Variants in PBRM1 observed in about 807,000 individuals in gnomAD.
The protein encoded by PBRM1 is polybromo 1.
A neutral mutation model predicts 194.5 loss-of-function variants in PBRM1; 27 were observed. That is an observed-to-expected ratio of 0.14 (90% CI 0.10 to 0.19). PBRM1 has a LOEUF of 0.19. PBRM1 is among the 10% of genes least tolerant of loss of function. PBRM1 has a pLI of 1.00. For missense variants in PBRM1, 1,466 were observed against 2,077.2 expected, an observed-to-expected ratio of 0.71 and a Z score of 5.72; for synonymous variants, 655 against 693.2, an observed-to-expected ratio of 0.94 and a Z score of 0.87.
At chr3:52,625,090 AG>A in intron 13 of PBRM1, 149 bp from the exon 15 acceptor site, 1 of 656,326 alleles carries the variant, frequency 1.5e-6, no homozygotes, top group Non-Finnish European at 2.7e-6. Flanking sequence ...CAAGGAAGAC[AG>A]ATGTTGGCAG....
intron 9 of PBRM1, among the ~76,000 whole-genome samples, chr3:52,642,535 G>C (rs1032938271): frequency 3.5e-5 from 5 of 142,600 alleles, no homozygotes; most frequent in Non-Finnish European, 3.0e-5. Flanking sequence ...CGAATCACTT[G>C]AATCCAGGAG....
Position 52,624,953 on chromosome 3 carries a change from G to A in PBRM1, c.1541+2320C>T, listed in dbSNP as rs2095399510. On this transcript the variant is annotated intron_variant, in intron 13 of 29. Transcript: ENST00000296302. Reference sequence around the variant, plus strand: ...TGTCATGAGTGTTCCTGGGAAAGCAGAAACAAACATTACATGTAAAGAGAA... The same window carrying A: ...TGTCATGAGTGTTCCTGGGAAAGCAAAAACAAACATTACATGTAAAGAGAA... 1.3e-6 allele frequency: 2 copies of A among 1,542,046 alleles called. No individual in the cohort carries two copies. Among genetic ancestry groups the A allele is most frequent in the African/African-American group, 1.4e-5 (1 of 72,862 alleles).
intron 10 of PBRM1, among the ~76,000 whole-genome samples, chr3:52,636,286 CA>C (rs2095808913): frequency 2.0e-5 from 3 of 151,974 alleles, no homozygotes; most frequent in Admixed American, 6.6e-5. Context: ...TAGGTAGAAG[CA>C]AATCATAAAA....
intron 2 of PBRM1, among the ~76,000 whole-genome samples, chr3:52,669,201 G>A (rs894718239): frequency 6.6e-6 from 1 of 151,738 alleles, no homozygotes; most frequent in African/African-American, 2.4e-5. Context: ...AAAGATGAAT[G>A]GACATCAGAT....
intron 17 of PBRM1, among the ~76,000 whole-genome samples, chr3:52,591,673 C>T (rs2093067749): frequency 1.3e-5 from 2 of 151,418 alleles, no homozygotes; most frequent in South Asian, 4.2e-4. Flanking sequence ...ATGCCCACCA[C>T]CATGCCCGGC....
chr3:52,650,911 C>T (rs1389714419), intron 6 of PBRM1, among the ~76,000 whole-genome samples: 1 of 152,058 alleles, frequency 6.6e-6, no homozygotes, highest in Non-Finnish European at 1.5e-5. Context: ...ATTTTAAATC[C>T]TAGTCACTCA....
At chr3:52,630,592 T>C (rs1299271072) in intron 11 of PBRM1, among the ~76,000 whole-genome samples, 1 of 152,118 alleles carries the variant, frequency 6.6e-6, no homozygotes, top group African/African-American at 2.4e-5. Flanking sequence ...TAGACCACAA[T>C]GGAAGGGATC....
chr3:52,659,856 G>C (rs532612293), intron 4 of PBRM1, among the ~76,000 whole-genome samples: 2 of 152,198 alleles, frequency 1.3e-5, no homozygotes, highest in African/African-American at 4.8e-5. Context: ...CTTTGGGAAG[G>C]TGAAGTGGGA....
intron 7 of PBRM1, among the ~76,000 whole-genome samples, chr3:52,648,034 G>A (rs529509431): frequency 1.3e-5 from 2 of 151,590 alleles, no homozygotes; most frequent in East Asian, 3.9e-4. Context: ...TCAGCCTCCC[G>A]ATTGGCTGGG....
At chr3:52,653,221 CT>C (rs1305224802) in intron 5 of PBRM1, among the ~76,000 whole-genome samples, 1 of 152,166 alleles carries the variant, frequency 6.6e-6, no homozygotes, top group Non-Finnish European at 1.5e-5. Flanking sequence ...TCATGTTTAA[CT>C]TGATGCTTCT....
At position 52,548,930 on chromosome 3, in the gene PBRM1, G is replaced by A. The variant is rs552453144; in HGVS notation, c.4898-695C>T. On this transcript the variant is annotated intron_variant, in intron 29 of 29. Transcript: ENST00000296302. ...CTCCAGAAACTACACAAGTACTTTA[G>A]TACATACTGAAAATACATAAGTATG... Among the ~76,000 whole-genome samples, 3 of 152,002 alleles carry A rather than the reference G, an allele frequency of 2.0e-5. No individual in the cohort carries two copies. The South Asian group carries it at 6.2e-4, about 32-fold the overall frequency.
intron 3 of PBRM1, among the ~76,000 whole-genome samples, chr3:52,664,429 AAG>A (rs2096788261): frequency 6.6e-6 from 1 of 150,726 alleles, no homozygotes; most frequent in South Asian, 2.1e-4. Context: ...AAAAAAAAAA[AAG>A]ATTATCTAAA....
chr3:52,622,636 C>A (rs1431703023), intron 13 of PBRM1, among the ~76,000 whole-genome samples: 1 of 152,206 alleles, frequency 6.6e-6, no homozygotes, highest in East Asian at 1.9e-4. Context: ...TCGACACTAT[C>A]CTCCGGAACC....
chr3:52,602,351 A>G (rs930422081), intron 17 of PBRM1, among the ~76,000 whole-genome samples: 19 of 152,244 alleles, frequency 1.2e-4, no homozygotes, highest in African/African-American at 4.6e-4. Flanking sequence ...GTACTTAACT[A>G]CCTCAAGCCC....
intron 2 of PBRM1, among the ~76,000 whole-genome samples, chr3:52,678,299 T>C (rs2097147349): frequency 6.6e-6 from 1 of 152,104 alleles, no homozygotes; most frequent in Non-Finnish European, 1.5e-5. Flanking sequence ...TATAGGTGCA[T>C]GTTACTGTGC....
intron 1 of PBRM1, among the ~76,000 whole-genome samples, chr3:52,685,095 T>C (rs1483829956): frequency 1.3e-5 from 2 of 152,222 alleles, no homozygotes; most frequent in African/African-American, 2.4e-5. Flanking sequence ...GCTTCTATAA[T>C]TATTGTAAGA....
intron 3 of PBRM1, among the ~76,000 whole-genome samples, chr3:52,667,822 G>T (rs1190340348): frequency 1.3e-5 from 2 of 151,362 alleles, no homozygotes; most frequent in Non-Finnish European, 2.9e-5. Context: ...CTACTCATGA[G>T]GCTGAGGCAG....
Position 52,566,090 on chromosome 3 carries a change from C to A in PBRM1, c.3692-1857G>T, listed in dbSNP as rs2085135751. Among the ~76,000 whole-genome samples, 3 of 152,010 alleles carry A rather than the reference C, an allele frequency of 2.0e-5. No individual in the cohort carries two copies. The South Asian group carries it at 6.2e-4, about 31-fold the overall frequency. On this transcript the variant is annotated intron_variant, in intron 22 of 29. Coordinates refer to ENST00000296302, the Ensembl canonical transcript of PBRM1. ...AAAACAAAAAAAACACAATGCTTAA[C>A]AGCATTCATCATCAGGAAAATCAAA...
chr3:52,563,622 T>C (rs1233240667), intron 23 of PBRM1, 129 bp from the exon 26 acceptor site: 6 of 641,462 alleles, frequency 9.4e-6, no homozygotes, highest in African/African-American at 3.6e-5. Context: ...AAAGGCAGCA[T>C]GGAAAGAGTT....
Sources: allele counts gnomAD v4.1 joint callset (sites outside exome capture counted in the v4.1 genomes callset), GRCh38; gene constraint gnomAD v4.1.1; transcripts MANE v1.5; gene names NCBI Gene and HGNC (gene_info 2026-07-23, HGNC 2026-07-21).